The following ZSWIM7 variants were observed in gnomAD, a reference collection of about 807,000 sequenced individuals.
The protein encoded by ZSWIM7 is zinc finger SWIM-type containing 7.
In ZSWIM7, 22 loss-of-function variants were observed where a neutral mutation model predicts 21.1. The ratio of observed to expected loss-of-function variants is 1.04; its 90% CI spans 0.74 to 1.49. The LOEUF (loss-of-function observed/expected upper bound fraction) is 1.49, where lower values mean the gene tolerates loss of function less well. Ranked by LOEUF, ZSWIM7 falls within the 40% of genes most tolerant of loss-of-function variation. The probability of loss-of-function intolerance (pLI) is 0.00; values close to 1 mark genes in which losing one functional copy is unlikely to be tolerated. For missense variants in ZSWIM7, 193 were observed against 168.0 expected (o/e 1.15, Z -0.82); for synonymous variants, 67 against 66.5 (o/e 1.01, Z -0.04).
chr17:15,978,520 C>T (rs1970306597), intron 4 of ZSWIM7, among the ~76,000 whole-genome samples: 1 of 152,144 alleles, frequency 6.6e-6, no homozygotes, highest in African/African-American at 2.4e-5. Context: ...ATCGCTTGAA[C>T]CCAGGAGGTG....
intron 2 of ZSWIM7, among the ~76,000 whole-genome samples, chr17:15,987,598 T>C (rs905183762): frequency 6.6e-6 from 1 of 151,920 alleles, no homozygotes; most frequent in African/African-American, 2.4e-5. Context: ...TGTGTGTATA[T>C]ATATTTATTT....
chr17:15,979,277 A>C (rs1309467300), intron 4 of ZSWIM7, among the ~76,000 whole-genome samples: 1 of 151,818 alleles, frequency 6.6e-6, no homozygotes, highest in Non-Finnish European at 1.5e-5. Flanking sequence ...TGGACACAGC[A>C]CATGTTTCAG....
chr17:15,988,111 G>A (rs184676802), intron 2 of ZSWIM7, among the ~76,000 whole-genome samples: 62 of 152,038 alleles, frequency 4.1e-4, no homozygotes, highest in African/African-American at 9.2e-4. Context: ...ACAAACACAC[G>A]TGCATAGATG....
intron 4 of ZSWIM7, among the ~76,000 whole-genome samples, chr17:15,978,452 G>A (rs1380640757): frequency 6.6e-6 from 1 of 152,170 alleles, no homozygotes; most frequent in African/African-American, 2.4e-5. Context: ...ACAAAAATTA[G>A]CTGGGTGTGG....
chr17:15,986,838 TCGCTTGAA>T (rs914907648), intron 3 of ZSWIM7: 4 of 152,296 alleles, frequency 2.6e-5, no homozygotes, highest in African/African-American at 9.7e-5. Flanking sequence ...GGTGGGAGGA[TCGCTTGAA>T]CCTAGGAGTT....
intron 1 of ZSWIM7, among the ~76,000 whole-genome samples, chr17:15,994,698 TC>T (rs1970526798): frequency 6.6e-6 from 1 of 152,146 alleles, no homozygotes; most frequent in Non-Finnish European, 1.5e-5. Flanking sequence ...AAACAGGATC[TC>T]CTGCTCTCTT....
Position 15,981,121 on chromosome 17 carries a change from T to A in ZSWIM7, c.225A>T (p.Thr75=). ...AATGACAAGAAGCCAAACATGTGTA[T>A]GTTTTACTGGAACTTCCAAGGACCT... The part of the protein sequence containing the change: ...VYQVLGSSSK[T]YTCLASCHYC... Residue 75 remains threonine, a synonymous_variant, in exon 4 of 5, where the codon ACA becomes ACT. Coordinates refer to ENST00000399277, the MANE Select transcript of ZSWIM7 (RefSeq NM_001042697.2). The A allele has an allele frequency of 1.2e-6, 2 of 1,613,830 alleles. No homozygotes were observed. Among genetic ancestry groups the A allele is most frequent in the Non-Finnish European group, 1.7e-6 (2 of 1,179,796 alleles).
intron 2 of ZSWIM7, 39 bp from the exon 3 acceptor site, chr17:15,987,407 C>T (rs1970427050): frequency 1.3e-6 from 2 of 1,542,310 alleles, no homozygotes; most frequent in African/African-American, 2.7e-5. Context: ...AGGCCTGATT[C>T]TCAAAGTCAC....
chr17:15,988,054 T>C (rs546745914), intron 2 of ZSWIM7, among the ~76,000 whole-genome samples: 3 of 152,316 alleles, frequency 2.0e-5, no homozygotes, highest in African/African-American at 4.8e-5. Context: ...TGTTAATGTG[T>C]TCATATTAAA....
At chr17:15,997,414 G>A (rs981667752) in intron 1 of ZSWIM7, among the ~76,000 whole-genome samples, 1 of 152,160 alleles carries the variant, frequency 6.6e-6, no homozygotes, top group African/African-American at 2.4e-5. Context: ...AGGATGTGAG[G>A]TTAAAGTAGG....
intron 4 of ZSWIM7, among the ~76,000 whole-genome samples, chr17:15,979,836 C>A (rs1301900452): frequency 1.7e-5 from 2 of 118,850 alleles, no homozygotes; most frequent in Admixed American, 8.0e-5. Context: ...GCTGACCCCC[C>A]CACCTCCCTC....
intron 3 of ZSWIM7, among the ~76,000 whole-genome samples, chr17:15,986,587 CCT>C (rs927623504): frequency 6.6e-6 from 1 of 151,756 alleles, no homozygotes; most frequent in Non-Finnish European, 1.5e-5. Context: ...ATAGCAAGAC[CCT>C]GTCTTTATTT....
At position 15,987,391 on chromosome 17, in the gene ZSWIM7, A is replaced by T. The variant is rs1441685894; in HGVS notation, c.99-23T>A. 4.4e-6 allele frequency: 7 copies of T among 1,595,626 alleles called. No individual in the cohort carries two copies. In the Admixed American group the frequency reaches 8.5e-5, roughly 19 times the overall value. On this transcript the variant is annotated intron_variant, in intron 2 of 4. Transcript: ENST00000399277. The stretch of plus-strand genomic sequence containing the variant: ...AGCCTGTGAAATAAAAACACTTCAG[A>T]TTAGAAGGCCTGATTCTCAAAGTCA...
intron 1 of ZSWIM7, among the ~76,000 whole-genome samples, chr17:15,999,127 T>A (rs1212628681): frequency 6.6e-6 from 1 of 152,148 alleles, no homozygotes. Flanking sequence ...AGTTTAATAA[T>A]TCAAAATTTC....
intron 3 of ZSWIM7, chr17:15,986,690 T>C (rs1004854532): frequency 9.2e-5 from 14 of 152,032 alleles, no homozygotes; most frequent in African/African-American, 3.4e-4. Flanking sequence ...TAAGGAGATA[T>C]TGGTCAAAGG....
At chr17:15,981,231 G>A in intron 3 of ZSWIM7, 87 bp from the exon 4 acceptor site, 2 of 938,874 alleles carry the variant, frequency 2.1e-6, no homozygotes, top group Non-Finnish European at 3.3e-6. Context: ...ACTCAGAGTT[G>A]CTCTGCAAAT....
chr17:15,991,191 A>C (rs192223151), intron 2 of ZSWIM7: 5 of 152,128 alleles, frequency 3.3e-5, no homozygotes, highest in East Asian at 3.9e-4. Context: ...AAATTTTTCC[A>C]TATCACTTTT....
chr17:15,990,219 C>CAA (rs71299859), intron 2 of ZSWIM7, among the ~76,000 whole-genome samples: 14 of 75,984 alleles, frequency 1.8e-4, no homozygotes, highest in East Asian at 1.3e-3. Flanking sequence ...AACTCTGTCT[C>CAA]AAAAAAAAAA....
chr17:15,981,384 TCAAC>T (rs1204891094), intron 3 of ZSWIM7, among the ~76,000 whole-genome samples: 5 of 151,724 alleles, frequency 3.3e-5, no homozygotes, highest in Non-Finnish European at 7.4e-5. Flanking sequence ...TCAGATTAGT[TCAAC>T]CAACCACATA....
Sources: allele counts gnomAD v4.1 joint callset (sites outside exome capture counted in the v4.1 genomes callset), GRCh38; gene constraint gnomAD v4.1.1; transcripts MANE v1.5; gene names NCBI Gene and HGNC (gene_info 2026-07-23, HGNC 2026-07-21).